CFAP299: variants seen among roughly 807,000 people sequenced by gnomAD.
The protein encoded by CFAP299 is cilia and flagella associated protein 299.
In CFAP299, 21 loss-of-function variants were observed where a neutral mutation model predicts 27.0. The ratio of observed to expected loss-of-function variants is 0.78; its 90% CI spans 0.55 to 1.12. The LOEUF (loss-of-function observed/expected upper bound fraction) is 1.12. Among genes scored for constraint, CFAP299 ranks in the 50% most tolerant of loss-of-function variants. The pLI, the probability that CFAP299 is intolerant of heterozygous loss-of-function variation, is 0.00. For synonymous variants in CFAP299, 104 were observed against 98.1 expected (o/e 1.06, Z -0.36); for missense variants, 310 against 276.6 (o/e 1.12, Z -0.86).
chr4:80,714,916 G>GA (rs1187115934), intron 3 of CFAP299, among the ~76,000 whole-genome samples: 2 of 151,858 alleles, frequency 1.3e-5, no homozygotes, highest in African/African-American at 4.8e-5. Context: ...GTTATTCCAG[G>GA]AAAAAAATAT....
At chr4:80,635,215 T>C (rs577032464) in intron 3 of CFAP299, among the ~76,000 whole-genome samples, 1 of 152,248 alleles carries the variant, frequency 6.6e-6, no homozygotes, top group African/African-American at 2.4e-5. Flanking sequence ...ATTTCAGATA[T>C]AATTCCAGCT....
chr4:80,636,755 C>T (rs1028455265), intron 3 of CFAP299, among the ~76,000 whole-genome samples: 2 of 152,150 alleles, frequency 1.3e-5, no homozygotes, highest in African/African-American at 4.8e-5. Flanking sequence ...CTCAGCTGTA[C>T]TCATTCATTT....
intron 3 of CFAP299, among the ~76,000 whole-genome samples, chr4:80,603,011 T>G (rs1350307525): frequency 6.6e-6 from 1 of 152,130 alleles, no homozygotes; most frequent in Non-Finnish European, 1.5e-5. Context: ...TGTGTGCCCA[T>G]GACCCCATAC....
At chr4:80,920,092 T>C (rs1016766163) in intron 4 of CFAP299, among the ~76,000 whole-genome samples, 1 of 152,140 alleles carries the variant, frequency 6.6e-6, no homozygotes, top group Admixed American at 6.6e-5. Context: ...ATTGAAGTTT[T>C]GTCTACTCTT....
chr4:80,475,747 G>T (rs1006753838), intron 2 of CFAP299, among the ~76,000 whole-genome samples: 1 of 152,124 alleles, frequency 6.6e-6, no homozygotes, highest in Admixed American at 6.6e-5. Context: ...GATAAGTGTC[G>T]CAAACAAATA....
intron 4 of CFAP299, among the ~76,000 whole-genome samples, chr4:80,891,057 T>G (rs1260907966): frequency 2.1e-4 from 32 of 149,260 alleles, no homozygotes; most frequent in African/African-American, 8.0e-4. Flanking sequence ...AGAAGCTCTT[T>G]AGTTTAATTA....
chr4:80,559,863 T>G (rs952829250), intron 2 of CFAP299, among the ~76,000 whole-genome samples: 1 of 152,196 alleles, frequency 6.6e-6, no homozygotes, highest in Non-Finnish European at 1.5e-5. Context: ...GCTACTGTAC[T>G]CTGTGTCTCC....
At chr4:80,884,560 A>T (rs111273632) in intron 4 of CFAP299, among the ~76,000 whole-genome samples, 23 of 152,004 alleles carry the variant, frequency 1.5e-4, no homozygotes, top group Non-Finnish European at 2.8e-4. Flanking sequence ...AAAAAACAAA[A>T]TATTTCAAAT....
At chr4:80,785,484 T>C (rs1727190937) in intron 3 of CFAP299, among the ~76,000 whole-genome samples, 1 of 152,186 alleles carries the variant, frequency 6.6e-6, no homozygotes, top group Admixed American at 6.6e-5. Context: ...ATAGATACTC[T>C]AGTAACCTTT....
intron 2 of CFAP299, among the ~76,000 whole-genome samples, chr4:80,541,137 CAT>C (rs1491063831): frequency 2.6e-5 from 4 of 151,858 alleles, no homozygotes; most frequent in Admixed American, 6.5e-5. Context: ...GTGATTTAGA[CAT>C]ATGAACAGAA....
chr4:80,746,415 CT>C (rs2110067786), intron 3 of CFAP299, among the ~76,000 whole-genome samples: 1 of 152,092 alleles, frequency 6.6e-6, no homozygotes, highest in East Asian at 1.9e-4. Flanking sequence ...AGAAGTAAGC[CT>C]ACTTAGGTTG....
At chr4:80,541,585 A>G (rs11737266) in intron 2 of CFAP299, among the ~76,000 whole-genome samples, 78 of 152,296 alleles carry the variant, frequency 5.1e-4, no homozygotes, top group Middle Eastern at 3.4e-3. Flanking sequence ...TGAGACCTAC[A>G]TAGTCTTATA....
At chr4:80,833,210 C>T (rs1439387190) in intron 3 of CFAP299, among the ~76,000 whole-genome samples, 1 of 151,896 alleles carries the variant, frequency 6.6e-6, no homozygotes, top group South Asian at 2.1e-4. Context: ...ATTTACAAAC[C>T]CATAAACTTG....
At chr4:80,669,005 G>A (rs949059663) in intron 3 of CFAP299, among the ~76,000 whole-genome samples, 6 of 151,572 alleles carry the variant, frequency 4.0e-5, no homozygotes, top group African/African-American at 1.5e-4. Flanking sequence ...CCAGTGTTTT[G>A]TAGTTCTTCT....
intron 2 of CFAP299, among the ~76,000 whole-genome samples, chr4:80,368,333 TG>T (rs1355550765): frequency 6.6e-6 from 1 of 152,202 alleles, no homozygotes; most frequent in Non-Finnish European, 1.5e-5. Context: ...GTAGGGCTCT[TG>T]TACCCTTTAT....
intron 3 of CFAP299, among the ~76,000 whole-genome samples, chr4:80,629,806 G>T (rs1739112523): frequency 6.6e-6 from 1 of 151,512 alleles, no homozygotes; most frequent in Non-Finnish European, 1.5e-5. Context: ...CTGGAGCCAG[G>T]GAGACAGGGG....
At chr4:80,585,350 G>A (rs1187015737) in intron 3 of CFAP299, among the ~76,000 whole-genome samples, 2 of 152,194 alleles carry the variant, frequency 1.3e-5, no homozygotes, top group Non-Finnish European at 2.9e-5. Context: ...ATGTTCAGAT[G>A]TTAAGAAGCT....
chr4:80,827,632 G>A (rs924148649), intron 3 of CFAP299, among the ~76,000 whole-genome samples: 1 of 151,934 alleles, frequency 6.6e-6, no homozygotes, highest in East Asian at 1.9e-4. Flanking sequence ...TTTTCTCTAA[G>A]ATCAGGAATA....
chr4:80,924,198 T>C (rs1376624483), intron 4 of CFAP299, among the ~76,000 whole-genome samples: 1 of 151,972 alleles, frequency 6.6e-6, no homozygotes, highest in Non-Finnish European at 1.5e-5. Context: ...ACTAGGCAAA[T>C]ATTTTGTGAA....
Sources: allele counts gnomAD v4.1 joint callset (sites outside exome capture counted in the v4.1 genomes callset), GRCh38; gene constraint gnomAD v4.1.1; transcripts MANE v1.5; gene names NCBI Gene and HGNC (gene_info 2026-07-23, HGNC 2026-07-21).